LMBR1: variants seen among roughly 807,000 people sequenced by gnomAD.
LMBR1 encodes limb region 1 protein homolog.
In LMBR1, 52 loss-of-function variants were observed where a neutral mutation model predicts 73.9. That is an observed-to-expected ratio of 0.70 (90% CI 0.56 to 0.89). The LOEUF is 0.89. Among genes scored for constraint, LMBR1 ranks in the 40% least tolerant of loss-of-function variants. LMBR1 has a pLI of 0.00. For synonymous variants in LMBR1, 215 were observed against 209.4 expected (o/e 1.03, Z -0.23); for missense variants, 539 against 579.8 (o/e 0.93, Z 0.72).
At chr7:156,873,879 T>A (rs1248342998) in intron 1 of LMBR1, among the ~76,000 whole-genome samples, 1 of 152,222 alleles carries the variant, frequency 6.6e-6, no homozygotes, top group Non-Finnish European at 1.5e-5. Context: ...GTATTTACAA[T>A]CCCTGAGCTA....
At chr7:156,819,899 C>G (rs1834488439) in intron 4 of LMBR1, among the ~76,000 whole-genome samples, 1 of 152,122 alleles carries the variant, frequency 6.6e-6, no homozygotes, top group Non-Finnish European at 1.5e-5. Flanking sequence ...GATTTCCTGA[C>G]CTGTGGAGTG....
chr7:156,861,621 T>G (rs1797726701), intron 1 of LMBR1, among the ~76,000 whole-genome samples: 1 of 152,328 alleles, frequency 6.6e-6, no homozygotes, highest in Non-Finnish European at 1.5e-5. Flanking sequence ...TTTTCCAAAC[T>G]TCTATGCTCT....
At chr7:156,879,287 A>G (rs1327430952) in intron 1 of LMBR1, among the ~76,000 whole-genome samples, 2 of 152,178 alleles carry the variant, frequency 1.3e-5, no homozygotes, top group Admixed American at 6.5e-5. Flanking sequence ...AATCTTCACA[A>G]TCTATACATC....
rs1804923478 is a variant in LMBR1, at chr7:156,680,985, C to G, written c.*3093G>C. On this transcript the variant is annotated 3_prime_UTR_variant, in exon 17 of 17. Coordinates refer to ENST00000353442, the MANE Select transcript of LMBR1 (RefSeq NM_022458.4). The stretch of plus-strand genomic sequence containing the variant: ...ATTTGTAAACAAAACAATCTGTAAA[C>G]AAAAATCAATTACTAGTGTGTCCAA... 8.9e-5 allele frequency: 27 copies of G among 302,604 alleles called. No homozygotes were observed. The highest frequency in any genetic ancestry group is 7.5e-4 in the South Asian group (27 of 36,036). The allele number at this position is 302,604 out of a possible 1,614,324, so 18.7% of individuals were successfully genotyped here. A position where few individuals can be genotyped will look rare whatever the true frequency, so the allele number is the denominator to read the frequency against.
rs1166459452 is a variant in LMBR1 at position 156,670,402 on chromosome 7, A to G, written n.867-1115T>C. 6.6e-6 allele frequency among the ~76,000 whole-genome samples: 1 copy of G among 152,220 alleles called. No individual in the cohort carries two copies. Among genetic ancestry groups the G allele is most frequent in the African/African-American group, 2.4e-5 (1 of 41,460 alleles). On this transcript the variant is annotated intron_variant and non_coding_transcript_variant, in intron 4 of 4. Coordinates refer to the LMBR1 transcript ENST00000430825. This position sits in a 1 kb window ranked among gnomAD's most constrained non-coding sequence, Gnocchi z 4.3. ...GGTCCAGGGAAGTGACTTGCCTAAG[A>G]GAGGATGTGGCGCAGGATGTCACTG...
chr7:156,712,264 C>T lies in LMBR1; in HGVS notation c.1225+11848G>A, dbSNP rs117135984. On this transcript the variant is annotated intron_variant, in intron 15 of 16. Coordinates refer to ENST00000353442, the MANE Select transcript of LMBR1 (RefSeq NM_022458.4). The stretch of plus-strand genomic sequence containing the variant: ...TGGCCAACTAGCATATGAAAAAATG[C>T]TCCACATCACTAATCAGAGAAATGC... 5.7e-3 allele frequency among the ~76,000 whole-genome samples: 875 copies of T among 152,204 alleles called. 21 individuals are homozygous for T. Among genetic ancestry groups the T allele is most frequent in the Admixed American group, 0.043 (653 of 15,290 alleles).
chr7:156,675,115 A>AGACCCGAAGAGGCAGCGGC (rs1200143965), downstream of LMBR1, among the ~76,000 whole-genome samples: 27 of 152,376 alleles, frequency 1.8e-4, no homozygotes, highest in African/African-American at 4.6e-4. Context: ...GAGATAGTGC[A>AGACCCGAAGAGGCAGCGGC]GACCCGAAGA....
chr7:156,794,116 T>C (rs1414612422), intron 5 of LMBR1, among the ~76,000 whole-genome samples: 1 of 152,224 alleles, frequency 6.6e-6, no homozygotes. Flanking sequence ...CTCCACCTTC[T>C]GCTGTGTTTG....
intron 5 of LMBR1, among the ~76,000 whole-genome samples, chr7:156,768,576 G>A (rs1431198300): frequency 6.6e-6 from 1 of 152,146 alleles, no homozygotes; most frequent in Non-Finnish European, 1.5e-5. Flanking sequence ...ACATTAGGAG[G>A]GCTCAGGGGA....
chr7:156,851,814 A>G (rs1387587850), intron 1 of LMBR1, among the ~76,000 whole-genome samples: 2 of 152,232 alleles, frequency 1.3e-5, no homozygotes, highest in Non-Finnish European at 2.9e-5. Context: ...CTTCTTCCTT[A>G]GATCTATGAA....
At chr7:156,760,370 T>C (rs148116814) in intron 8 of LMBR1, among the ~76,000 whole-genome samples, 114 of 152,336 alleles carry the variant, frequency 7.5e-4, no homozygotes, top group Non-Finnish European at 1.3e-3. Flanking sequence ...TATTCAATTA[T>C]AGCACTTAAA....
At chr7:156,712,703 T>G (rs2132210523) in intron 15 of LMBR1, among the ~76,000 whole-genome samples, 1 of 152,300 alleles carries the variant, frequency 6.6e-6, no homozygotes, top group South Asian at 2.1e-4. Flanking sequence ...TGAAATCATG[T>G]ATTTCACAAC....
At chr7:156,755,724 T>C (rs2132794956) in intron 9 of LMBR1, among the ~76,000 whole-genome samples, 1 of 152,330 alleles carries the variant, frequency 6.6e-6, no homozygotes, top group South Asian at 2.1e-4. Flanking sequence ...CTGTATCGAA[T>C]TATATAATGT....
chr7:156,726,105 C>A, intron 12 of LMBR1: 2 of 325,006 alleles, frequency 6.2e-6, no homozygotes, highest in Non-Finnish European at 1.1e-5. Context: ...CATGATTATG[C>A]TTACTGTTAT....
chr7:156,687,939 G>C, intron 16 of LMBR1, 91 bp downstream of exon 16: 1 of 1,235,868 alleles, frequency 8.1e-7, no homozygotes, highest in Non-Finnish European at 1.1e-6. Flanking sequence ...TACAAATTTG[G>C]GAAACTAAAT....
chr7:156,785,905 A>C (rs1406143043), intron 5 of LMBR1, among the ~76,000 whole-genome samples: 1 of 152,180 alleles, frequency 6.6e-6, no homozygotes, highest in African/African-American at 2.4e-5. Flanking sequence ...ATAAATCACC[A>C]ATCTACATGT....
rs74963977 is a variant in LMBR1 at position 156,827,005 on chromosome 7, A to G, written c.180-261T>C. On this transcript the variant is annotated intron_variant, in intron 3 of 16. Coordinates refer to ENST00000353442, the MANE Select transcript of LMBR1 (RefSeq NM_022458.4). ...TAAAAGATAAAGACATACTGAAGAC[A>G]CAGTACTTCACATATTTTACAAAGA... Among the ~76,000 whole-genome samples the G allele has an allele frequency of 0.023, 3,560 of 152,308 alleles. 64 individuals carry two copies. The highest frequency in any genetic ancestry group is 0.039 in the Non-Finnish European group (2,635 of 68,018).
chr7:156,873,430 G>A lies in LMBR1; in HGVS notation c.66+19498C>T, dbSNP rs578129278. ...AGTAGCAAGATTTATTGCAAAGAGCGAAAGAACAAAGCTTCCACAGTGTGG... is the reference window on the plus strand; with the variant it reads ...AGTAGCAAGATTTATTGCAAAGAGCAAAAGAACAAAGCTTCCACAGTGTGG... On this transcript the variant is annotated intron_variant, in intron 1 of 16. Transcript: ENST00000353442. Among the ~76,000 whole-genome samples, 1,117 of 152,258 alleles carry A rather than the reference G, an allele frequency of 7.3e-3. 15 individuals are homozygous for A. The highest frequency in any genetic ancestry group is 0.025 in the African/African-American group (1,041 of 41,558).
intron 5 of LMBR1, 32 bp from the exon 6 acceptor site, chr7:156,763,827 A>G: frequency 6.5e-7 from 1 of 1,542,954 alleles, no homozygotes; most frequent in South Asian, 1.2e-5. Context: ...TAATTTTAGT[A>G]TTTTACTTCA....
Sources: gnomAD v4.1 joint callset for allele counts (sites outside exome capture counted in the v4.1 genomes callset) on GRCh38, gnomAD v4.1.1 for gene constraint, Gnocchi (gnomAD v3.1) non-coding constraint, MANE v1.5 for transcripts, NCBI Gene and HGNC (gene_info 2026-07-23, HGNC 2026-07-21) for gene names.